SMAD1: variants seen among roughly 807,000 people sequenced by gnomAD.
The protein encoded by SMAD1 is SMAD family member 1, also known as MAD, mothers against decapentaplegic homolog 1.
SMAD1 carries 6 observed loss-of-function variants against 41.6 expected under a neutral mutation model. That is an observed-to-expected ratio of 0.14 (90% CI 0.08 to 0.28). The LOEUF (loss-of-function observed/expected upper bound fraction) is 0.28. SMAD1 is among the 10% of genes least tolerant of loss of function. The probability of loss-of-function intolerance (pLI) is 1.00; values close to 1 mark genes in which losing one functional copy is unlikely to be tolerated. For synonymous variants in SMAD1, 206 were observed against 203.2 expected (o/e 1.01, Z -0.12); for missense variants, 379 against 582.6 (o/e 0.65, Z 3.60).
chr4:145,538,572 T>C (rs933349567), intron 2 of SMAD1, among the ~76,000 whole-genome samples: 9 of 152,198 alleles, frequency 5.9e-5, no homozygotes, highest in African/African-American at 2.2e-4. Context: ...CACTTTTTAC[T>C]GTAGAAATGA....
At chr4:145,501,264 T>C (rs1404181474) in intron 1 of SMAD1, among the ~76,000 whole-genome samples, 1 of 152,210 alleles carries the variant, frequency 6.6e-6, no homozygotes, top group Non-Finnish European at 1.5e-5. Context: ...TTTTACTGAA[T>C]TAGGAGGGAA....
chr4:145,538,474 G>A (rs1258876875), intron 2 of SMAD1, among the ~76,000 whole-genome samples: 1 of 152,092 alleles, frequency 6.6e-6, no homozygotes, highest in East Asian at 1.9e-4. Flanking sequence ...TATAGCACAT[G>A]AGAAATTTTA....
intron 5 of SMAD1, among the ~76,000 whole-genome samples, chr4:145,551,135 AT>A (rs1242391960): frequency 6.6e-6 from 1 of 152,234 alleles, no homozygotes; most frequent in African/African-American, 2.4e-5. Context: ...TTAATAAAAC[AT>A]TGTAAAACTA....
intron 5 of SMAD1, among the ~76,000 whole-genome samples, chr4:145,547,421 A>T (rs1055608807): frequency 2.6e-5 from 4 of 152,240 alleles, no homozygotes; most frequent in African/African-American, 9.6e-5. Context: ...CAGCACCTTC[A>T]AAAGAACAAA....
In SMAD1 at chr4:145,518,575, C is replaced by T. The variant is rs1020278198; in HGVS notation, c.400+3562C>T. ...CCTCTATAAAGCCGTACAGAGTACA[C>T]CTGGGTATTGTTTTTGTGAAATCAG... is the stretch of plus-strand genomic sequence containing the variant. On this transcript the variant is annotated intron_variant, in intron 2 of 6. Transcript: ENST00000302085. Among the ~76,000 whole-genome samples, 2 of 125,318 alleles carry T rather than the reference C, an allele frequency of 1.6e-5. 1 individual carries two copies. The highest frequency in any genetic ancestry group is 3.9e-5 in the Non-Finnish European group (2 of 50,964). 82.2% of individuals were successfully genotyped at this position (125,318 alleles called of 152,430 possible).
chr4:145,517,209 T>C (rs1299648669), intron 2 of SMAD1: 1 of 152,262 alleles, frequency 6.6e-6, no homozygotes, highest in Non-Finnish European at 1.5e-5. Flanking sequence ...TCCTTTGTAC[T>C]CTTGCATGCT....
At chr4:145,527,913 T>A (rs184396365) in intron 2 of SMAD1, among the ~76,000 whole-genome samples, 1 of 151,010 alleles carries the variant, frequency 6.6e-6, no homozygotes, top group African/African-American at 2.4e-5. Context: ...CTGGCTGTAG[T>A]GCAGTGGCGC....
intron 4 of SMAD1, 120 bp downstream of exon 4, chr4:145,542,818 A>C: frequency 1.6e-6 from 1 of 617,682 alleles, no homozygotes; most frequent in Non-Finnish European, 2.9e-6. Context: ...ATAGAGTCCA[A>C]TGTTAAGAGA....
intron 1 of SMAD1, among the ~76,000 whole-genome samples, chr4:145,487,757 G>C (rs926077533): frequency 6.6e-6 from 1 of 152,174 alleles, no homozygotes; most frequent in Non-Finnish European, 1.5e-5. Context: ...CAGTTTTAGA[G>C]GTGCAGGGCT....
intron 3 of SMAD1, among the ~76,000 whole-genome samples, chr4:145,541,018 G>A (rs1282024293): frequency 1.3e-5 from 2 of 151,818 alleles, no homozygotes; most frequent in African/African-American, 2.4e-5. Context: ...TGTTTTGTCC[G>A]GTTTTCAGTC....
At chr4:145,540,384 T>C (rs567087141) in intron 3 of SMAD1, among the ~76,000 whole-genome samples, 25 of 152,354 alleles carry the variant, frequency 1.6e-4, no homozygotes, top group African/African-American at 6.0e-4. Context: ...AAAAATACCG[T>C]GTTACACACA....
At position 145,558,515 on chromosome 4, in the gene SMAD1, A is replaced by G. The variant is rs566740869; in HGVS notation, c.*581A>G. On this transcript the variant is annotated 3_prime_UTR_variant, in exon 7 of 7. Coordinates refer to ENST00000302085, the MANE Select transcript of SMAD1 (RefSeq NM_005900.3). ...ACTTGCTGTCAGAATAATGCTAGGCATATGCTTTTTGCTAAATATGTATGT... is the reference window on the plus strand; with the variant it reads ...ACTTGCTGTCAGAATAATGCTAGGCGTATGCTTTTTGCTAAATATGTATGT... Among the ~76,000 whole-genome samples the G allele has an allele frequency of 3.7e-4, 57 of 152,342 alleles. No individual in the cohort carries two copies. Among genetic ancestry groups the G allele is most frequent in the African/African-American group, 1.1e-3 (46 of 41,572 alleles).
At chr4:145,547,509 G>A (rs894636210) in intron 5 of SMAD1, among the ~76,000 whole-genome samples, 2 of 152,202 alleles carry the variant, frequency 1.3e-5, no homozygotes, top group Non-Finnish European at 2.9e-5. Flanking sequence ...AATATAGTAA[G>A]TGACTATATA....
chr4:145,503,069 C>T (rs987832553), intron 1 of SMAD1: 6 of 152,178 alleles, frequency 3.9e-5, no homozygotes, highest in Non-Finnish European at 8.8e-5. Flanking sequence ...TATCTCCAAC[C>T]CCCAATTTCT....
At chr4:145,545,649 G>A (rs983595692) in intron 4 of SMAD1, 4 of 151,556 alleles carry the variant, frequency 2.6e-5, no homozygotes, top group African/African-American at 9.7e-5. Context: ...GGAATTTGAT[G>A]TTAAGAACAC....
intron 1 of SMAD1, among the ~76,000 whole-genome samples, chr4:145,512,956 C>G (rs1299966789): frequency 6.6e-6 from 1 of 152,156 alleles, no homozygotes; most frequent in Non-Finnish European, 1.5e-5. Flanking sequence ...CATTTTTGCC[C>G]TTAGACTGGG....
In SMAD1 at chr4:145,485,843, C is replaced by G. The variant is rs1728455056; in HGVS notation, c.-177+3805C>G. 2.0e-5 allele frequency among the ~76,000 whole-genome samples: 3 copies of G among 152,112 alleles called. No individual in the cohort carries two copies. In the South Asian group the frequency reaches 6.2e-4, roughly 32 times the overall value. On this transcript the variant is annotated intron_variant, in intron 1 of 6. Transcript: ENST00000302085. Reference sequence around the variant, plus strand: ...TATGCCAGGCATTGTTTATAATACCCATATCTCATTTAAGCCTCAAAACTT... The same window carrying G: ...TATGCCAGGCATTGTTTATAATACCGATATCTCATTTAAGCCTCAAAACTT...
At chr4:145,524,284 G>A (rs1050288565) in intron 2 of SMAD1, among the ~76,000 whole-genome samples, 1 of 152,066 alleles carries the variant, frequency 6.6e-6, no homozygotes, top group Non-Finnish European at 1.5e-5. Flanking sequence ...GTGGATTCCA[G>A]TGTTAAATCC....
At position 145,514,403 on chromosome 4, in the gene SMAD1, A is replaced by G. The variant is rs1730261485; in HGVS notation, c.-176-35A>G. On this transcript the variant is annotated intron_variant, in intron 1 of 6. Coordinates refer to ENST00000302085, the MANE Select transcript of SMAD1 (RefSeq NM_005900.3). This position sits in a 1 kb window ranked among gnomAD's most constrained non-coding sequence, Gnocchi z 4.7. ...ACTTAATAAATGTGGTTGTATGGTA[A>G]AGATGATTCTAACCATTCTTTTTTT... 5.9e-6 allele frequency: 3 copies of G among 507,702 alleles called. No homozygotes were observed. 31.4% of individuals were successfully genotyped at this position (507,702 alleles called of 1,614,324 possible).
Sources: gnomAD v4.1 joint callset for allele counts (sites outside exome capture counted in the v4.1 genomes callset) on GRCh38, gnomAD v4.1.1 for gene constraint, Gnocchi (gnomAD v3.1) non-coding constraint, MANE v1.5 for transcripts, NCBI Gene and HGNC (gene_info 2026-07-23, HGNC 2026-07-21) for gene names.